Variants in PTPRC observed in about 807,000 individuals in gnomAD.
The protein encoded by PTPRC is protein tyrosine phosphatase receptor type C.
PTPRC carries 44 observed loss-of-function variants against 155.9 expected under a neutral mutation model. The observed-to-expected ratio is 0.28, with a 90% CI of 0.22 to 0.36. The LOEUF (loss-of-function observed/expected upper bound fraction) is 0.36. Ranked by LOEUF, PTPRC falls within the 10% of genes least tolerant of loss-of-function variation. The pLI is 1.00. For missense variants in PTPRC, 1,401 were observed against 1,564.6 expected (o/e 0.90, Z 1.76); for synonymous variants, 525 against 533.1 (o/e 0.98, Z 0.21).
intron 27 of PTPRC, among the ~76,000 whole-genome samples, chr1:198,748,589 CTATA>C (rs1330512391): frequency 6.6e-6 from 1 of 151,744 alleles, no homozygotes; most frequent in Non-Finnish European, 1.5e-5. Flanking sequence ...CATTTGTTCT[CTATA>C]TGTTTCCTTT....
intron 2 of PTPRC, among the ~76,000 whole-genome samples, chr1:198,665,955 A>G (rs1243059997): frequency 6.6e-6 from 1 of 152,152 alleles, no homozygotes; most frequent in African/African-American, 2.4e-5. Flanking sequence ...GGTCATCATC[A>G]TTCAATATGC....
chr1:198,727,016 T>A (rs1040243019), intron 15 of PTPRC, among the ~76,000 whole-genome samples: 10 of 151,944 alleles, frequency 6.6e-5, no homozygotes, highest in African/African-American at 2.4e-4. Flanking sequence ...ACACACACCA[T>A]GCCTGGCTAA....
At chr1:198,742,915 C>A (rs961597291) in intron 25 of PTPRC, among the ~76,000 whole-genome samples, 4 of 151,458 alleles carry the variant, frequency 2.6e-5, no homozygotes, top group Non-Finnish European at 5.9e-5. Flanking sequence ...AGTCCCTGGC[C>A]CATGCTATGC....
At chr1:198,739,293 T>G (rs1268895639) in intron 23 of PTPRC, among the ~76,000 whole-genome samples, 1 of 24,700 alleles carries the variant, frequency 4.0e-5, no homozygotes, top group Admixed American at 3.3e-4. Context: ...GCTGAATAGA[T>G]ATTAATAAAA....
Position 198,708,117 on chromosome 1 carries a change from T to C in PTPRC, c.905-16T>C, listed in dbSNP as rs774055047. 1 of 1,593,582 alleles carries C rather than the reference T, an allele frequency of 6.3e-7. No homozygotes were observed. Among genetic ancestry groups the C allele is most frequent in the Admixed American group, 1.7e-5 (1 of 59,732 alleles). ...ATGAAATACTAATCAAGTTTATTTC[T>C]GTATCTTCTTGTCAGGGGTTGAAAA... On this transcript the variant is annotated splice_polypyrimidine_tract_variant and intron_variant, in intron 9 of 32. Transcript: ENST00000442510.
intron 5 of PTPRC, chr1:198,700,036 TTTAC>T (rs1261525410): frequency 3.3e-5 from 13 of 394,386 alleles, no homozygotes; most frequent in Non-Finnish European, 2.8e-5. Flanking sequence ...TGCATAAATC[TTTAC>T]TTAAAGACTT....
At chr1:198,750,445 G>A (rs1372953195) in intron 28 of PTPRC, 47 bp from the exon 29 acceptor site, 3 of 1,574,282 alleles carry the variant, frequency 1.9e-6, no homozygotes, top group East Asian at 4.5e-5. Flanking sequence ...AATCTACTGA[G>A]CTCTCTTCTG....
chr1:198,755,068 A>C (rs1196541917), intron 32 of PTPRC, among the ~76,000 whole-genome samples: 1 of 152,128 alleles, frequency 6.6e-6, no homozygotes, highest in African/African-American at 2.4e-5. Context: ...GCCCAGGCTT[A>C]AAAGTGACAC....
At chr1:198,699,959 T>C (rs893930491) in intron 5 of PTPRC, 22 of 570,934 alleles carry the variant, frequency 3.9e-5, no homozygotes, top group Middle Eastern at 4.6e-4. Flanking sequence ...GAATAGTCTA[T>C]TTTTTATATA....
chr1:198,670,298 C>A lies in PTPRC; in HGVS notation c.74-22049C>A, dbSNP rs1664569659. Among the ~76,000 whole-genome samples the A allele has an allele frequency of 2.0e-5, 3 of 152,052 alleles. No individual in the cohort carries two copies. In the South Asian group the frequency reaches 6.2e-4, roughly 32 times the overall value. On this transcript the variant is annotated intron_variant, in intron 2 of 32. Transcript: ENST00000442510. ...TGATGAAATATTTATAATTATTAAT[C>A]ACTGTTATATGACCTTATTATGTAT...
At position 198,752,578 on chromosome 1, in the gene PTPRC, TC is replaced by T. The variant is rs1655433790; in HGVS notation, c.3331-15del. The T allele has an allele frequency of 6.2e-7, 1 of 1,609,196 alleles. No individual in the cohort carries two copies. Among genetic ancestry groups the T allele is most frequent in the South Asian group, 1.1e-5 (1 of 90,962 alleles). On this transcript the variant is annotated splice_polypyrimidine_tract_variant and intron_variant, in intron 30 of 32. Transcript: ENST00000442510. ...AACTTCACTCCAGTTAATGCTCTCT[TC>T]AATTCTGATTTTAGAGGAAAGACTC...
chr1:198,639,175 G>A (rs1438999416), intron 1 of PTPRC, 38 bp downstream of exon 1: 27 of 1,026,792 alleles, frequency 2.6e-5, no homozygotes, highest in East Asian at 2.4e-4. Context: ...TTTTTGATTC[G>A]TTTTTACAGA....
At chr1:198,691,576 C>T (rs1665927940) in intron 2 of PTPRC, among the ~76,000 whole-genome samples, 1 of 151,986 alleles carries the variant, frequency 6.6e-6, no homozygotes, top group South Asian at 2.1e-4. Context: ...TTTAATAATC[C>T]ATTTTCCATT....
chr1:198,671,163 TTCAC>T (rs1664621923), intron 2 of PTPRC, among the ~76,000 whole-genome samples: 1 of 111,860 alleles, frequency 8.9e-6, no homozygotes, highest in Admixed American at 9.8e-5. Context: ...ACTCTCACTT[TTCAC>T]TAACCCATTT....
In PTPRC at chr1:198,756,390, T is replaced by A. The variant is rs1431029494; in HGVS notation, c.*209T>A. ...CAGACGTATGCTTATTTTAAAATTTTATCTCTTATTCAGTAAAAAACAACT... is the reference window on the plus strand; with the variant it reads ...CAGACGTATGCTTATTTTAAAATTTAATCTCTTATTCAGTAAAAAACAACT... On this transcript the variant is annotated 3_prime_UTR_variant, in exon 33 of 33. Transcript: ENST00000442510. The A allele has an allele frequency of 1.5e-6, 1 of 648,356 alleles. No individual in the cohort carries two copies. The highest frequency in any genetic ancestry group is 2.9e-5 in the East Asian group (1 of 34,190). The allele number at this position is 648,356 out of a possible 1,614,324, so 40.2% of individuals were successfully genotyped here. A position where few individuals can be genotyped will look rare whatever the true frequency, so the allele number is the denominator to read the frequency against.
intron 2 of PTPRC, among the ~76,000 whole-genome samples, chr1:198,644,447 G>T (rs1331788502): frequency 6.6e-6 from 1 of 151,794 alleles, no homozygotes. Flanking sequence ...ACTGGATTTT[G>T]TGTACCTGGC....
Position 198,694,125 on chromosome 1 carries a change from C to T in PTPRC, c.100+1752C>T, listed in dbSNP as rs1032013214. The T allele has an allele frequency of 5.2e-6, 8 of 1,543,734 alleles. No individual in the cohort carries two copies. The African/African-American group carries it at 1.1e-4, about 21-fold the overall frequency. ...TTGGTGGCCAAAGGCCCGAGAGCCC[C>T]TCACAAACCACTGGAGTAAGTCCAA... On this transcript the variant is annotated intron_variant, in intron 3 of 32. Coordinates refer to ENST00000442510, the MANE Select transcript of PTPRC (RefSeq NM_002838.5).
At chr1:198,656,271 C>T (rs1189593154) in intron 2 of PTPRC, among the ~76,000 whole-genome samples, 3 of 152,046 alleles carry the variant, frequency 2.0e-5, no homozygotes, top group Non-Finnish European at 4.4e-5. Context: ...TATTTCCAAT[C>T]ATAGATGTTC....
At position 198,741,884 on chromosome 1, in the gene PTPRC, A is replaced by C; in HGVS notation, c.2419A>C (p.Thr807Pro). The stretch of plus-strand genomic sequence containing the variant: ...TCTTGACTAGAAAAAAGAAAAAGCA[A>C]CTGGAAGAGAGGTGACTCACATTCA... ...LNIVNKKEKA[T>P]GREVTHIQFT... Residue 807 changes from threonine (T) to proline (P), a missense_variant, in exon 24 of 33, where the codon ACT (threonine) becomes CCT (proline). Thr to Pro is a conservative substitution (Grantham distance 38). This residue lies in a region of PTPRC where 134 missense variants were observed against 204.7 expected (regional missense o/e 0.65). Transcript: ENST00000442510. 1 of 1,611,810 alleles carries C rather than the reference A, an allele frequency of 6.2e-7. No homozygotes were observed. Among genetic ancestry groups the C allele is most frequent in the South Asian group, 1.1e-5 (1 of 91,034 alleles).
Sources: allele counts gnomAD v4.1 joint callset (sites outside exome capture counted in the v4.1 genomes callset), GRCh38; gene constraint gnomAD v4.1.1; regional missense constraint gnomAD v4.1.1; transcripts MANE v1.5; gene names NCBI Gene and HGNC (gene_info 2026-07-23, HGNC 2026-07-21).